Variants in CLCN6 observed in about 807,000 individuals in gnomAD.
CLCN6 encodes Cl-/H+ antiporter 6.
A neutral mutation model predicts 109.8 loss-of-function variants in CLCN6; 70 were observed. The ratio of observed to expected loss-of-function variants is 0.64; its 90% CI spans 0.53 to 0.78. CLCN6 has a LOEUF of 0.78. Among genes scored for constraint, CLCN6 ranks in the 30% least tolerant of loss-of-function variants. CLCN6 has a pLI of 0.00. For missense variants in CLCN6, 984 were observed against 1,142.3 expected (o/e 0.86, Z 2.00); for synonymous variants, 444 against 447.8 (o/e 0.99, Z 0.11).
chr1:11,838,473 C>G (rs566805376), intron 21 of CLCN6, 31 bp downstream of exon 21: 1 of 1,610,046 alleles, frequency 6.2e-7, no homozygotes, highest in Admixed American at 1.7e-5. Context: ...CTGTCCCATG[C>G]GGAGCTGCCT....
intron 14 of CLCN6, 75 bp downstream of exon 14, chr1:11,833,713 C>T: frequency 6.3e-7 from 1 of 1,594,864 alleles, no homozygotes. Flanking sequence ...CCCTTCATTC[C>T]AAGCAAGACC....
chr1:11,819,079 G>A (rs1284899923), intron 4 of CLCN6, among the ~76,000 whole-genome samples: 2 of 152,194 alleles, frequency 1.3e-5, no homozygotes, highest in Non-Finnish European at 2.9e-5. Context: ...ATTTTTCTGA[G>A]TTTTTCTTTT....
At position 11,815,878 on chromosome 1, in the gene CLCN6, T is replaced by A; in HGVS notation, c.180T>A (p.Pro60=). ...SLDYDRCIND[P]YLEVLETMDN... ...ATTATGATCGCTGTATCAATGACCCTTACCTGGAAGTTTTGGAGACCATGG... is the reference window on the plus strand; with the variant it reads ...ATTATGATCGCTGTATCAATGACCCATACCTGGAAGTTTTGGAGACCATGG... The change falls in exon 3 of 23, where the codon CCT becomes CCA. Residue 60 remains proline, a synonymous_variant. Coordinates refer to ENST00000346436, the MANE Select transcript of CLCN6 (RefSeq NM_001286.5). 6.2e-7 allele frequency: 1 copy of A among 1,614,012 alleles called. No homozygotes were observed. The highest frequency in any genetic ancestry group is 8.5e-7 in the Non-Finnish European group (1 of 1,179,822).
intron 13 of CLCN6, among the ~76,000 whole-genome samples, chr1:11,832,624 C>T (rs1015977090): frequency 1.8e-4 from 27 of 152,352 alleles, no homozygotes; most frequent in African/African-American, 6.0e-4. Flanking sequence ...ACAAACCACC[C>T]CCTGGTATTG....
chr1:11,814,395 G>A (rs962306633), intron 2 of CLCN6, among the ~76,000 whole-genome samples: 4 of 151,836 alleles, frequency 2.6e-5, no homozygotes, highest in African/African-American at 7.3e-5. Context: ...GATTACAGGC[G>A]TGCTCCACCA....
Position 11,843,029 on chromosome 1 carries a change from G to T in CLCN6, c.*2806G>T, listed in dbSNP as rs1570549019. 1 of 152,140 alleles carries T rather than the reference G, an allele frequency of 6.6e-6. No individual in the cohort carries two copies. Among genetic ancestry groups the T allele is most frequent in the Admixed American group, 6.5e-5 (1 of 15,270 alleles). The allele number at this position is 152,140 out of a possible 1,614,324, so 9.4% of individuals were successfully genotyped here. ...GCTAATTCCACTGTGTATATAAATT[G>T]TATTTTTTTTAATTTGTAAAATGCT... On this transcript the variant is annotated 3_prime_UTR_variant, in exon 23 of 23. Coordinates refer to ENST00000346436, the MANE Select transcript of CLCN6 (RefSeq NM_001286.5).
intron 8 of CLCN6, among the ~76,000 whole-genome samples, 168 bp from the exon 9 acceptor site, chr1:11,825,988 G>C (rs1644805976): frequency 6.6e-6 from 1 of 151,982 alleles, no homozygotes; most frequent in African/African-American, 2.4e-5. Flanking sequence ...CACTTACCCA[G>C]GTGTGCTCAA....
At chr1:11,816,106 G>A (rs956509163) in intron 3 of CLCN6, 195 bp downstream of exon 3, 4 of 579,214 alleles carry the variant, frequency 6.9e-6, no homozygotes, top group Non-Finnish European at 1.2e-5. Context: ...ACTGGAGGTT[G>A]GTGGCAACCC....
chr1:11,818,107 A>T (rs1381068724), intron 4 of CLCN6, among the ~76,000 whole-genome samples: 1 of 152,006 alleles, frequency 6.6e-6, no homozygotes, highest in Admixed American at 6.6e-5. Context: ...TTAAAAATAA[A>T]AAAAAAATTA....
rs1286875833 is a variant in CLCN6, at chr1:11,837,018, G to A, written c.2000G>A (p.Arg667Gln). ...CCACAGAAATCCAGCATCCTCACCC[G>A]GGCTGGCGAGCAGCGCAAACGGAGC... ...IKFKKSSILT[R>Q]AGEQRKRSQS... Residue 667 changes from arginine (R) to glutamine (Q), a missense_variant, in exon 19 of 23, where the codon CGG becomes CAG. Transcript: ENST00000346436. 2 of 1,611,080 alleles carry A rather than the reference G, an allele frequency of 1.2e-6. No homozygotes were observed. Among genetic ancestry groups the A allele is most frequent in the Non-Finnish European group, 1.7e-6 (2 of 1,180,014 alleles).
intron 1 of CLCN6, chr1:11,806,913 A>T: frequency 1.8e-6 from 1 of 558,056 alleles, no homozygotes; most frequent in East Asian, 2.9e-5. Flanking sequence ...GAGGGTGGTT[A>T]TTTGGAGACT....
intron 2 of CLCN6, among the ~76,000 whole-genome samples, chr1:11,812,664 T>TTGTGTGTGTGTGTGTG (rs61487985): frequency 5.5e-5 from 7 of 127,024 alleles, no homozygotes; most frequent in Middle Eastern, 8.2e-3. Flanking sequence ...CAAAGTATGT[T>TTGTGTGTGTGTGTGTG]TGTGTGTGTG....
At chr1:11,828,308 C>T (rs1644837952) in intron 11 of CLCN6, 89 bp downstream of exon 11, 3 of 1,418,202 alleles carry the variant, frequency 2.1e-6, no homozygotes, top group Non-Finnish European at 2.0e-6. Flanking sequence ...GAGCAGAGGG[C>T]TAGGTACAAC....
chr1:11,836,952 G>A (rs1644957582), intron 18 of CLCN6, 47 bp from the exon 19 acceptor site: 5 of 1,597,914 alleles, frequency 3.1e-6, no homozygotes, highest in African/African-American at 1.3e-5. Context: ...CAGTACTGCT[G>A]TGTTCGTTTG....
At chr1:11,813,682 C>T (rs940457965) in intron 2 of CLCN6, among the ~76,000 whole-genome samples, 3 of 152,328 alleles carry the variant, frequency 2.0e-5, no homozygotes, top group South Asian at 2.1e-4. Flanking sequence ...TGAGCCATCA[C>T]GCCCAGCCGA....
chr1:11,827,304 T>C (rs906602519), intron 10 of CLCN6, 83 bp downstream of exon 10: 39 of 1,369,904 alleles, frequency 2.8e-5, no homozygotes, highest in African/African-American at 1.3e-4. Context: ...GGAATGGTAG[T>C]TTTGATGAGA....
chr1:11,829,337 C>T lies in CLCN6; in HGVS notation c.1248+15C>T. The T allele has an allele frequency of 6.2e-7, 1 of 1,613,904 alleles. No homozygotes were observed. On this transcript the variant is annotated intron_variant, in intron 13 of 22. Transcript: ENST00000346436. ...TCCAGCTCCAGGTAACCCCAGTGCA[C>T]CTGCTACCTTTATCCCATACCACGA...
intron 4 of CLCN6, among the ~76,000 whole-genome samples, chr1:11,818,079 T>C (rs1242931299): frequency 6.6e-5 from 10 of 151,830 alleles, no homozygotes; most frequent in Non-Finnish European, 2.9e-5. Flanking sequence ...CTGGGCAACG[T>C]AGGGAGACCC....
chr1:11,813,141 G>A (rs1357105247), intron 2 of CLCN6, among the ~76,000 whole-genome samples: 1 of 152,114 alleles, frequency 6.6e-6, no homozygotes, highest in African/African-American at 2.4e-5. Context: ...GTACCTCGCT[G>A]GCATTATTGG....
Sources: allele counts gnomAD v4.1 joint callset (sites outside exome capture counted in the v4.1 genomes callset), GRCh38; gene constraint gnomAD v4.1.1; transcripts MANE v1.5; gene names NCBI Gene and HGNC (gene_info 2026-07-23, HGNC 2026-07-21).